PRKDC: variants seen among roughly 807,000 people sequenced by gnomAD.
PRKDC encodes protein kinase, DNA-activated, catalytic subunit.
PRKDC carries 82 observed loss-of-function variants against 486.9 expected under a neutral mutation model. The observed-to-expected ratio is 0.17, with a 90% CI of 0.14 to 0.20. The LOEUF (loss-of-function observed/expected upper bound fraction) is 0.20. Ranked by LOEUF, PRKDC falls within the 10% of genes least tolerant of loss-of-function variation. The pLI is 1.00. For synonymous variants in PRKDC, 1,895 were observed against 1,837.0 expected (o/e 1.03, Z -0.81); for missense variants, 4,504 against 5,038.2 (o/e 0.89, Z 3.21).
At chr8:47,788,762 C>G in intron 76 of PRKDC, 144 bp downstream of exon 76, 1 of 890,668 alleles carries the variant, frequency 1.1e-6, no homozygotes, top group Non-Finnish European at 1.5e-6. Flanking sequence ...AAGCATGAGA[C>G]CTAAAGCATT....
At chr8:47,856,782 T>C (rs543679587) in intron 49 of PRKDC, among the ~76,000 whole-genome samples, 2 of 152,362 alleles carry the variant, frequency 1.3e-5, no homozygotes, top group African/African-American at 2.4e-5. Context: ...ATGGCACAAA[T>C]GCCAAAATCC....
intron 74 of PRKDC, among the ~76,000 whole-genome samples, chr8:47,792,861 C>T (rs2086905618): frequency 6.6e-6 from 1 of 152,148 alleles, no homozygotes; most frequent in Non-Finnish European, 1.5e-5. Flanking sequence ...TCTGAAGTTA[C>T]ATTATGAAAG....
intron 42 of PRKDC, 143 bp from the exon 43 acceptor site, chr8:47,862,684 G>A: frequency 2.9e-6 from 2 of 695,060 alleles, no homozygotes; most frequent in Admixed American, 3.4e-5. Flanking sequence ...TAGGCACTGG[G>A]AATATGAAAA....
chr8:47,801,299 T>A (rs913539764), intron 70 of PRKDC, among the ~76,000 whole-genome samples: 3 of 152,210 alleles, frequency 2.0e-5, no homozygotes, highest in African/African-American at 7.2e-5. Flanking sequence ...CTCGAACTCC[T>A]GAGCTCTAGC....
In PRKDC at chr8:47,773,113, T is replaced by C; in HGVS notation, c.*1060A>G. 1.5e-5 allele frequency: 3 copies of C among 196,718 alleles called. No individual in the cohort carries two copies. Among genetic ancestry groups the C allele is most frequent in the Middle Eastern group, 6.9e-4 (1 of 1,448 alleles). The allele number at this position is 196,718 out of a possible 1,614,324, so 12.2% of individuals were successfully genotyped here. ...TGCATAAAAGAGATACACACTACTT[T>C]TGGAAAAAAACTTTATTAAACACTC... is the stretch of plus-strand genomic sequence containing the variant. On this transcript the variant is annotated 3_prime_UTR_variant, in exon 86 of 86. Coordinates refer to ENST00000314191, the MANE Select transcript of PRKDC (RefSeq NM_006904.7).
intron 25 of PRKDC, among the ~76,000 whole-genome samples, chr8:47,908,992 T>C (rs1053645453): frequency 3.3e-5 from 5 of 152,204 alleles, no homozygotes; most frequent in Non-Finnish European, 7.3e-5. Context: ...TGTTCATCTC[T>C]ATTAGTCCAG....
chr8:47,927,738 T>C (rs2090177242), intron 20 of PRKDC, 33 bp downstream of exon 20: 1 of 1,474,468 alleles, frequency 6.8e-7, no homozygotes. Context: ...ACAACAGCGA[T>C]GAAGAGATGG....
At position 47,890,348 on chromosome 8, in the gene PRKDC, C is replaced by G; in HGVS notation, c.3980G>C (p.Gly1327Ala). 1 of 1,613,500 alleles carries G rather than the reference C, an allele frequency of 6.2e-7. No individual in the cohort carries two copies. Among genetic ancestry groups the G allele is most frequent in the Non-Finnish European group, 8.5e-7 (1 of 1,179,758 alleles). Residue 1327 changes from glycine to alanine, a missense_variant, in exon 32 of 86, where the codon GGA becomes GCA. Around this residue, in one of 6 missense-constraint regions of PRKDC, gnomAD observed 1,969 missense variants for 2,068.9 expected, o/e 0.95. Coordinates refer to ENST00000314191, the MANE Select transcript of PRKDC (RefSeq NM_006904.7). The part of the protein sequence containing the change: ...AAGNRTSPQE[G>A]ERYNYSKCTV... Reference sequence around the variant, plus strand: ...GCATTTGCTGTAGTTGTACCTTTCTCCCTCTTGTGGGCTTGTTCTGTTACC... The same window carrying G: ...GCATTTGCTGTAGTTGTACCTTTCTGCCTCTTGTGGGCTTGTTCTGTTACC...
At position 47,852,764 on chromosome 8, in the gene PRKDC, T is replaced by C. The variant is rs1384088347; in HGVS notation, c.6914A>G (p.Asn2305Ser). The C allele has an allele frequency of 2.5e-6, 4 of 1,570,624 alleles. No homozygotes were observed. In the South Asian group the frequency reaches 3.5e-5, roughly 14 times the overall value. Reference protein sequence around the residue: ...QSSEYFQALVNNMSFVRYKEV... With the variant: ...QSSEYFQALVSNMSFVRYKEV... ...TTTATATCTTACAAAGGACATATTA[T>C]TCACCAAAGCCTGGAAGTATCTACA... is the stretch of plus-strand genomic sequence containing the variant. Residue 2305 changes from asparagine to serine, a missense_variant, in exon 52 of 86, where the codon AAT becomes AGT. By Grantham distance (46) the Asn-to-Ser change is conservative. Around this residue, in one of 6 missense-constraint regions of PRKDC, gnomAD observed 1,592 missense variants for 1,724.6 expected, o/e 0.92. Coordinates refer to ENST00000314191, the MANE Select transcript of PRKDC (RefSeq NM_006904.7).
chr8:47,820,695 T>C (rs900550244), intron 66 of PRKDC, 24 bp downstream of exon 66: 15 of 1,161,356 alleles, frequency 1.3e-5, no homozygotes, highest in Non-Finnish European at 1.7e-5. Flanking sequence ...TATACAAGCA[T>C]ATATATATAA....
intron 80 of PRKDC, among the ~76,000 whole-genome samples, chr8:47,780,060 G>A (rs989321334): frequency 6.6e-6 from 1 of 150,706 alleles, no homozygotes; most frequent in African/African-American, 2.4e-5. Flanking sequence ...GATTACAGGC[G>A]CCCGCCACTA....
At chr8:47,910,904 T>C (rs1054196007) in intron 25 of PRKDC, among the ~76,000 whole-genome samples, 1 of 152,120 alleles carries the variant, frequency 6.6e-6, no homozygotes, top group African/African-American at 2.4e-5. Context: ...TACTAATATA[T>C]GAAATATATG....
chr8:47,841,495 T>C (rs970103496), intron 54 of PRKDC, among the ~76,000 whole-genome samples: 2 of 152,192 alleles, frequency 1.3e-5, no homozygotes, highest in Admixed American at 1.3e-4. Flanking sequence ...CTGAGTGCTT[T>C]GCCAGTGGCC....
At chr8:47,824,672 T>C (rs989133417) in intron 63 of PRKDC, among the ~76,000 whole-genome samples, 8 of 152,130 alleles carry the variant, frequency 5.3e-5, no homozygotes, top group African/African-American at 1.7e-4. Flanking sequence ...GTTTAATCCA[T>C]GTTCTATGGA....
chr8:47,783,564 C>T (rs1018250993), intron 78 of PRKDC, among the ~76,000 whole-genome samples, 178 bp downstream of exon 78: 1 of 151,442 alleles, frequency 6.6e-6, no homozygotes, highest in African/African-American at 2.4e-5. Flanking sequence ...CACTCCAGCC[C>T]AGGCAACAGG....
chr8:47,819,149 C>A (rs1055104898), intron 67 of PRKDC, among the ~76,000 whole-genome samples: 1 of 152,192 alleles, frequency 6.6e-6, no homozygotes, highest in Non-Finnish European at 1.5e-5. Context: ...GGAGTCACCC[C>A]GCTACTCCAA....
At chr8:47,873,696 C>A (rs2089015625) in intron 40 of PRKDC, among the ~76,000 whole-genome samples, 1 of 152,132 alleles carries the variant, frequency 6.6e-6, no homozygotes, top group South Asian at 2.1e-4. Context: ...GAGATACTGT[C>A]ATTTGGAAAA....
Position 47,882,069 on chromosome 8 carries a change from T to G in PRKDC, c.4805A>C (p.Asp1602Ala), listed in dbSNP as rs778838531. 6.2e-7 allele frequency: 1 copy of G among 1,613,966 alleles called. No individual in the cohort carries two copies. Among genetic ancestry groups the G allele is most frequent in the East Asian group, 2.2e-5 (1 of 44,884 alleles). ...GTTTGCTCGCTCCCTGAAGCTCTGG[T>G]CTAACATGCCGTTCAAAACGGCACT... ...MVSAVLNGML[D>A]QSFRERANQK... The change falls in exon 37 of 86, where the codon GAC becomes GCC. Residue 1602 changes from aspartate to alanine, a missense_variant. Physicochemically the swap from Asp to Ala is moderately radical, Grantham distance 126. This residue lies in a region of PRKDC where 1,969 missense variants were observed against 2,068.9 expected (regional missense o/e 0.95). Transcript: ENST00000314191.
At chr8:47,866,599 A>G (rs1467849720) in intron 40 of PRKDC, among the ~76,000 whole-genome samples, 1 of 152,270 alleles carries the variant, frequency 6.6e-6, no homozygotes, top group Non-Finnish European at 1.5e-5. Flanking sequence ...AATATGCCTG[A>G]CTTTACTCAT....
Sources: allele counts gnomAD v4.1 joint callset (sites outside exome capture counted in the v4.1 genomes callset), GRCh38; gene constraint gnomAD v4.1.1; regional missense constraint gnomAD v4.1.1; transcripts MANE v1.5; gene names NCBI Gene and HGNC (gene_info 2026-07-23, HGNC 2026-07-21).